Variants in ATG16L1 observed in about 807,000 individuals in gnomAD.
The protein encoded by ATG16L1 is autophagy-related protein 16-1.
ATG16L1 carries 37 observed loss-of-function variants against 88.5 expected under a neutral mutation model. That is an observed-to-expected ratio of 0.42 (90% CI 0.32 to 0.55). The LOEUF is 0.55. ATG16L1 is among the 20% of genes least tolerant of loss of function. The probability of loss-of-function intolerance (pLI) is 0.13; values close to 1 mark genes in which losing one functional copy is unlikely to be tolerated. For synonymous variants in ATG16L1, 301 were observed against 281.0 expected, an observed-to-expected ratio of 1.07 and a Z score of -0.71; for missense variants, 554 against 752.8, an observed-to-expected ratio of 0.74 and a Z score of 3.09.
rs1697469472 is a variant in ATG16L1 at position 233,264,985 on chromosome 2, C to T, written c.483C>T (p.Thr161=). The T allele has an allele frequency of 6.2e-7, 1 of 1,613,956 alleles. No homozygotes were observed. Among genetic ancestry groups the T allele is most frequent in the Admixed American group, 1.7e-5 (1 of 59,990 alleles). Residue 161 remains threonine, a synonymous_variant, in exon 5 of 18, where the codon ACC becomes ACT. Coordinates refer to ENST00000392017, the MANE Select transcript of ATG16L1 (RefSeq NM_030803.7). ...KLCDLERANQ[T]LKDEYDALQI... ...GTGACCTTGAAAGAGCCAACCAGAC[C>T]CTGAAGGATGAATATGATGCCCTGC...
At chr2:233,264,778 C>G in intron 4 of ATG16L1, 114 bp from the exon 5 acceptor site, 1 of 1,395,468 alleles carries the variant, frequency 7.2e-7, no homozygotes, top group South Asian at 1.3e-5. Context: ...GGGGATGGGC[C>G]TGGCTAAAAG....
intron 5 of ATG16L1, chr2:233,266,031 C>T (rs1428543193): frequency 1.3e-5 from 2 of 152,164 alleles, no homozygotes; most frequent in Non-Finnish European, 2.9e-5. Context: ...GGTTCACTCT[C>T]ACAACTCACA....
At chr2:233,280,626 C>T (rs1448641329) in intron 10 of ATG16L1, among the ~76,000 whole-genome samples, 1 of 152,178 alleles carries the variant, frequency 6.6e-6, no homozygotes, top group Admixed American at 6.5e-5. Context: ...TCTTTTCACA[C>T]CTTAATGAAA....
At chr2:233,278,219 C>G (rs1443266491) in intron 10 of ATG16L1, among the ~76,000 whole-genome samples, 2 of 152,160 alleles carry the variant, frequency 1.3e-5, no homozygotes, top group Non-Finnish European at 2.9e-5. Context: ...TCTCTTTGGA[C>G]TTTTAGGATG....
intron 13 of ATG16L1, 98 bp downstream of exon 13, chr2:233,290,072 G>T: frequency 6.4e-7 from 1 of 1,571,780 alleles, no homozygotes; most frequent in South Asian, 1.1e-5. Flanking sequence ...AATATAGTTT[G>T]AATTTCAGAT....
intron 1 of ATG16L1, among the ~76,000 whole-genome samples, chr2:233,255,781 A>T (rs1310673786): frequency 1.3e-5 from 2 of 152,200 alleles, no homozygotes; most frequent in Non-Finnish European, 2.9e-5. Context: ...TAGTTCCCTG[A>T]CCTAAAAAGT....
chr2:233,264,983 A>G lies in ATG16L1; in HGVS notation c.481A>G (p.Thr161Ala). The change falls in exon 5 of 18, where the codon ACC (threonine) becomes GCC (alanine). Residue 161 changes from threonine to alanine, a missense_variant. Thr to Ala is a moderately conservative substitution (Grantham distance 58, BLOSUM62 0). Around this residue, in one of 5 missense-constraint regions of ATG16L1, gnomAD observed 22 missense variants for 54.5 expected, o/e 0.40. Coordinates refer to ENST00000392017, the MANE Select transcript of ATG16L1 (RefSeq NM_030803.7). The part of the protein sequence containing the change: ...KLCDLERANQ[T>A]LKDEYDALQI... ...TTGTGACCTTGAAAGAGCCAACCAG[A>G]CCCTGAAGGATGAATATGATGCCCT... The G allele has an allele frequency of 1.9e-6, 3 of 1,614,166 alleles. No homozygotes were observed. Among genetic ancestry groups the G allele is most frequent in the Non-Finnish European group, 2.5e-6 (3 of 1,180,024 alleles).
rs1446191544 is a variant in ATG16L1 at position 233,290,297 on chromosome 2, A to C, written c.1374A>C (p.Thr458=). The change falls in exon 14 of 18, where the codon ACA becomes ACC. Residue 458 remains threonine, a synonymous_variant. Transcript: ENST00000392017. ...AGSSCNDIVC[T]EQCVMSGHFD... is the part of the protein sequence containing the mutation. ...CCAGTTGCAATGATATTGTCTGCAC[A>C]GAGCAATGTGTAATGAGTGGACATT... The C allele has an allele frequency of 6.2e-7, 1 of 1,614,230 alleles. No homozygotes were observed. The highest frequency in any genetic ancestry group is 8.5e-7 in the Non-Finnish European group (1 of 1,180,036).
chr2:233,270,997 C>T (rs1697954067), intron 6 of ATG16L1, among the ~76,000 whole-genome samples: 1 of 152,176 alleles, frequency 6.6e-6, no homozygotes, highest in Admixed American at 6.5e-5. Context: ...CAAAGGTTCC[C>T]ATATCATGCC....
At chr2:233,286,678 TG>T (rs1161210692) in intron 12 of ATG16L1, among the ~76,000 whole-genome samples, 1 of 139,550 alleles carries the variant, frequency 7.2e-6, no homozygotes, top group Non-Finnish European at 1.5e-5. Context: ...CAGGCTGGAG[TG>T]CAGTGGCGTG....
At chr2:233,291,517 C>T (rs971468444) in intron 14 of ATG16L1, among the ~76,000 whole-genome samples, 2 of 152,160 alleles carry the variant, frequency 1.3e-5, no homozygotes, top group Admixed American at 6.5e-5. Context: ...ACAAAATCAT[C>T]ACAGAACAGG....
chr2:233,274,206 G>T, intron 8 of ATG16L1: 1 of 692,022 alleles, frequency 1.4e-6, no homozygotes, highest in Non-Finnish European at 2.4e-6. Context: ...CTGCCAGGTT[G>T]AACACTTTGT....
At position 233,293,294 on chromosome 2, in the gene ATG16L1, GCT is replaced by G; in HGVS notation, c.1672_1673del (p.Leu558ValfsTer96). On this transcript the variant is annotated frameshift_variant, in exon 17 of 18. Transcript: ENST00000392017. LOFTEE classifies it high-confidence loss of function. Reference sequence around the variant, plus strand: ...TACGTGGCGGCAGGCTCTGCTGAGGGCTCTCTGTATATCTGGAGTGTGCTCAC... The same window carrying G: ...TACGTGGCGGCAGGCTCTGCTGAGGGCTCTGTATATCTGGAGTGTGCTCAC... 6.2e-7 allele frequency: 1 copy of G among 1,614,192 alleles called. No individual in the cohort carries two copies. Among genetic ancestry groups the G allele is most frequent in the Non-Finnish European group, 8.5e-7 (1 of 1,180,028 alleles).
intron 8 of ATG16L1, 149 bp downstream of exon 8, chr2:233,273,926 C>T: frequency 6.5e-7 from 1 of 1,533,432 alleles, no homozygotes; most frequent in Non-Finnish European, 8.8e-7. Flanking sequence ...TAGCTTCTTC[C>T]TTTTTTCCTC....
In ATG16L1 at chr2:233,256,315, A is replaced by G. The variant is rs1207004723; in HGVS notation, c.209+120A>G. 15 of 825,566 alleles carry G rather than the reference A, an allele frequency of 1.8e-5. No individual in the cohort carries two copies. The East Asian group carries it at 3.4e-4, about 19-fold the overall frequency. 51.1% of individuals were successfully genotyped at this position (825,566 alleles called of 1,614,324 possible). A position where few individuals can be genotyped will look rare whatever the true frequency, so the allele number is the denominator to read the frequency against. On this transcript the variant is annotated intron_variant, in intron 2 of 17. Transcript: ENST00000392017. ...CTATTTCTGTGTTCCAGTTTTTGTC[A>G]GCTCCTTTCAAATAAGAACTAAAAC...
chr2:233,288,671 A>G (rs760784373), intron 12 of ATG16L1: 5 of 487,784 alleles, frequency 1.0e-5, no homozygotes, highest in African/African-American at 5.8e-5. Flanking sequence ...CATGCACTGC[A>G]TAGAGGTCAA....
At chr2:233,280,957 C>T (rs2125269811) in intron 10 of ATG16L1, 148 bp from the exon 11 acceptor site, 1 of 543,630 alleles carries the variant, frequency 1.8e-6, no homozygotes, top group East Asian at 3.1e-5. Context: ...TTCTCTTTGT[C>T]CTGCTATTTT....
At chr2:233,258,000 T>C (rs1696916219) in intron 2 of ATG16L1, among the ~76,000 whole-genome samples, 1 of 97,030 alleles carries the variant, frequency 1.0e-5, no homozygotes, top group Non-Finnish European at 2.0e-5. Flanking sequence ...AGACTCCGTC[T>C]CAAAAAAAAA....
chr2:233,261,119 C>G (rs554739781), intron 2 of ATG16L1, among the ~76,000 whole-genome samples: 1 of 152,112 alleles, frequency 6.6e-6, no homozygotes, highest in African/African-American at 2.4e-5. Flanking sequence ...CCACGCCCAG[C>G]TAATTTTTTG....
Sources: gnomAD v4.1 joint callset for allele counts (sites outside exome capture counted in the v4.1 genomes callset) on GRCh38, gnomAD v4.1.1 for gene constraint, gnomAD v4.1.1 regional missense constraint, MANE v1.5 for transcripts, NCBI Gene and HGNC (gene_info 2026-07-23, HGNC 2026-07-21) for gene names.